Variants in MDGA2 observed in about 807,000 individuals in gnomAD.
The protein encoded by MDGA2 is MAM domain containing glycosylphosphatidylinositol anchor 2, also known as MAM domain-containing glycosylphosphatidylinositol anchor protein 2.
In MDGA2, 40 loss-of-function variants were observed where a neutral mutation model predicts 117.8. That is an observed-to-expected ratio of 0.34 (90% CI 0.26 to 0.44). The LOEUF (loss-of-function observed/expected upper bound fraction) is 0.44. MDGA2 is among the 20% of genes least tolerant of loss of function. MDGA2 has a pLI of 1.00. For missense variants in MDGA2, 1,123 were observed against 1,250.6 expected (o/e 0.90, Z 1.54); for synonymous variants, 452 against 439.0 (o/e 1.03, Z -0.37).
chr14:47,615,675 T>C (rs1340553966), intron 1 of MDGA2, among the ~76,000 whole-genome samples: 1 of 152,218 alleles, frequency 6.6e-6, no homozygotes, highest in Admixed American at 6.5e-5. Context: ...GATATTCTAA[T>C]AGGCAATCCT....
chr14:47,294,092 G>A (rs1888980314), intron 2 of MDGA2, among the ~76,000 whole-genome samples: 1 of 145,398 alleles, frequency 6.9e-6, no homozygotes, highest in Non-Finnish European at 1.5e-5. Flanking sequence ...AGCAGCCATT[G>A]ATATGGCAAT....
At chr14:47,120,628 C>T (rs887424688) in intron 5 of MDGA2, among the ~76,000 whole-genome samples, 1 of 152,088 alleles carries the variant, frequency 6.6e-6, no homozygotes, top group African/African-American at 2.4e-5. Context: ...ATTGAGGGAA[C>T]AGCTGAAATT....
chr14:47,619,216 G>A (rs1238874365), intron 1 of MDGA2, among the ~76,000 whole-genome samples: 1 of 151,728 alleles, frequency 6.6e-6, no homozygotes, highest in African/African-American at 2.4e-5. Context: ...CTAGCATTGT[G>A]TTAGATACTA....
At chr14:47,180,515 T>C (rs1884656568) in intron 3 of MDGA2, among the ~76,000 whole-genome samples, 1 of 151,770 alleles carries the variant, frequency 6.6e-6, no homozygotes, top group Middle Eastern at 3.2e-3. Flanking sequence ...AAAAACCCCA[T>C]AAAAAGTGGA....
intron 9 of MDGA2, among the ~76,000 whole-genome samples, chr14:46,955,939 C>T (rs1885547823): frequency 6.6e-6 from 1 of 152,022 alleles, no homozygotes; most frequent in Non-Finnish European, 1.5e-5. Flanking sequence ...ACGTTAGATT[C>T]AAAGTTTCGA....
At chr14:47,408,974 A>C (rs1178272603) in intron 1 of MDGA2, among the ~76,000 whole-genome samples, 1 of 152,192 alleles carries the variant, frequency 6.6e-6, no homozygotes. Flanking sequence ...GAGAGAGGAA[A>C]GACTCCAAGG....
chr14:47,640,443 G>A (rs1183112197), intron 1 of MDGA2, among the ~76,000 whole-genome samples: 3 of 151,948 alleles, frequency 2.0e-5, no homozygotes, highest in African/African-American at 7.2e-5. Context: ...CTTCCTTATG[G>A]TTGCTCTTTA....
chr14:47,071,550 GT>G (rs796320044), intron 6 of MDGA2, among the ~76,000 whole-genome samples: 167 of 150,416 alleles, frequency 1.1e-3, no homozygotes, highest in Middle Eastern at 6.8e-3. Context: ...GTGTCTGTGG[GT>G]TTTTTTTTTC....
At position 47,009,668 on chromosome 14, in the gene MDGA2, C is replaced by T. The variant is rs1887829142; in HGVS notation, c.1819+25343G>A. ...ACACTAAATTGTCATTCTGTCTTCT[C>T]CCAGTGAGGCAGTGCATTTAATTTC... On this transcript the variant is annotated intron_variant, in intron 8 of 16. Coordinates refer to ENST00000399232, the MANE Select transcript of MDGA2 (RefSeq NM_001113498.3). Among the ~76,000 whole-genome samples, 2 of 152,006 alleles carry T rather than the reference C, an allele frequency of 1.3e-5. 1 individual carries two copies. Among genetic ancestry groups the T allele is most frequent in the South Asian group, 4.1e-4 (2 of 4,826 alleles).
chr14:46,923,800 T>A (rs2138522154), intron 9 of MDGA2, among the ~76,000 whole-genome samples: 1 of 152,176 alleles, frequency 6.6e-6, no homozygotes, highest in Middle Eastern at 3.4e-3. Context: ...ATATATTCAT[T>A]CATAAGAAAG....
chr14:46,998,070 A>C (rs1308623871), intron 8 of MDGA2, among the ~76,000 whole-genome samples: 1 of 152,158 alleles, frequency 6.6e-6, no homozygotes, highest in Admixed American at 6.6e-5. Flanking sequence ...AATAGATGGA[A>C]GAGAAGGAAA....
chr14:47,388,587 G>C (rs1324760732), intron 1 of MDGA2, among the ~76,000 whole-genome samples: 1 of 152,126 alleles, frequency 6.6e-6, no homozygotes, highest in Non-Finnish European at 1.5e-5. Context: ...ACTTGACCAA[G>C]TCAGATTCTC....
chr14:47,081,430 C>G (rs1281182978), intron 6 of MDGA2, among the ~76,000 whole-genome samples: 25 of 152,014 alleles, frequency 1.6e-4, no homozygotes. Flanking sequence ...TTTTGTAAAA[C>G]AATATACTAC....
At chr14:47,551,210 TAG>T (rs1895574332) in intron 1 of MDGA2, among the ~76,000 whole-genome samples, 1 of 152,138 alleles carries the variant, frequency 6.6e-6, no homozygotes, top group African/African-American at 2.4e-5. Context: ...TTGAAATGCA[TAG>T]CTCTAAATTC....
chr14:47,429,918 C>G (rs987825634), intron 1 of MDGA2, among the ~76,000 whole-genome samples: 7 of 149,368 alleles, frequency 4.7e-5, no homozygotes, highest in Non-Finnish European at 8.9e-5. Context: ...ATTACATAAT[C>G]TGAAAATTGA....
At chr14:47,058,649 G>C in intron 7 of MDGA2, 17 of 984,926 alleles carry the variant, frequency 1.7e-5, no homozygotes, top group Non-Finnish European at 2.0e-5. Flanking sequence ...GATGTCAGTT[G>C]AATCATACAA....
At chr14:46,960,804 A>G (rs1885770034) in intron 8 of MDGA2, among the ~76,000 whole-genome samples, 1 of 149,658 alleles carries the variant, frequency 6.7e-6, no homozygotes, top group African/African-American at 2.4e-5. Context: ...AATTATACAT[A>G]TGTATACACA....
At chr14:47,411,203 T>C (rs1892365362) in intron 1 of MDGA2, among the ~76,000 whole-genome samples, 1 of 152,124 alleles carries the variant, frequency 6.6e-6, no homozygotes, top group South Asian at 2.1e-4. Flanking sequence ...ATAATTATAA[T>C]AGGAATACCA....
chr14:47,338,188 A>G (rs1225481831), intron 1 of MDGA2, among the ~76,000 whole-genome samples: 3 of 151,990 alleles, frequency 2.0e-5, no homozygotes, highest in African/African-American at 7.2e-5. Context: ...GCATGCCATC[A>G]AACTAGATCA....
Sources: allele counts gnomAD v4.1 joint callset (sites outside exome capture counted in the v4.1 genomes callset), GRCh38; gene constraint gnomAD v4.1.1; transcripts MANE v1.5; gene names NCBI Gene and HGNC (gene_info 2026-07-23, HGNC 2026-07-21).